COL5A2: variants seen among roughly 807,000 people sequenced by gnomAD.
COL5A2 encodes the protein collagen alpha-2(V) chain.
A neutral mutation model predicts 208.2 loss-of-function variants in COL5A2; 23 were observed. The ratio of observed to expected loss-of-function variants is 0.11; its 90% confidence interval spans 0.08 to 0.16. The LOEUF (loss-of-function observed/expected upper bound fraction) is 0.16, where lower values mean the gene tolerates loss of function less well. Among genes scored for constraint, COL5A2 ranks in the 10% least tolerant of loss-of-function variants. The pLI, the probability that COL5A2 is intolerant of heterozygous loss-of-function variation, is 1.00. For missense variants in COL5A2, 1,590 were observed against 1,956.4 expected (o/e 0.81, Z 3.53); for synonymous variants, 625 against 628.5 (o/e 0.99, Z 0.08).
chr2:189,157,995 A>T (rs1260857780), intron 1 of COL5A2, among the ~76,000 whole-genome samples: 1 of 151,950 alleles, frequency 6.6e-6, no homozygotes, highest in Non-Finnish European at 1.5e-5. Context: ...ACTGTGTCTT[A>T]TATACTGTGG....
intron 49 of COL5A2, 47 bp from the exon 50 acceptor site, chr2:189,041,740 T>C: frequency 8.2e-7 from 1 of 1,216,024 alleles, no homozygotes; most frequent in Non-Finnish European, 1.2e-6. Flanking sequence ...AGGAAAAATT[T>C]TACAATGCCT....
At chr2:189,191,422 C>T (rs1375753196) in intron 1 of COL5A2, among the ~76,000 whole-genome samples, 3 of 152,024 alleles carry the variant, frequency 2.0e-5, no homozygotes, top group Non-Finnish European at 4.4e-5. Context: ...GGGTAGATCA[C>T]CTGAGGTCAG....
intron 42 of COL5A2, among the ~76,000 whole-genome samples, 172 bp from the exon 43 acceptor site, chr2:189,050,848 C>T (rs1447012207): frequency 6.6e-6 from 1 of 152,074 alleles, no homozygotes; most frequent in African/African-American, 2.4e-5. Context: ...CGCACAGAAC[C>T]TCTAACATTA....
intron 47 of COL5A2, among the ~76,000 whole-genome samples, chr2:189,044,945 C>T (rs556620540): frequency 3.3e-5 from 5 of 151,996 alleles, no homozygotes; most frequent in Non-Finnish European, 7.4e-5. Context: ...ACTTTAAAAA[C>T]CTCCATGATT....
the COL5A2 span, among the ~76,000 whole-genome samples, chr2:189,264,690 T>C: frequency 1.3e-5 from 2 of 152,134 alleles, no homozygotes; most frequent in South Asian, 4.1e-4. Context: ...TATGAATCCT[T>C]GGACTCATAA....
At chr2:189,042,819 T>G (rs768514148) in intron 48 of COL5A2, 46 bp from the exon 49 acceptor site, 2 of 1,539,376 alleles carry the variant, frequency 1.3e-6, no homozygotes, top group Non-Finnish European at 8.9e-7. Context: ...ATTTGGATCC[T>G]GCATTGTGCC....
intron 1 of COL5A2, among the ~76,000 whole-genome samples, chr2:189,208,730 G>C (rs1689172836): frequency 1.3e-5 from 2 of 152,212 alleles, no homozygotes; most frequent in Admixed American, 1.3e-4. Flanking sequence ...CTGTGTTTTA[G>C]AAAGTATACT....
the COL5A2 span, among the ~76,000 whole-genome samples, chr2:189,323,925 T>G: frequency 6.6e-6 from 1 of 152,112 alleles, no homozygotes; most frequent in African/African-American, 2.4e-5. Context: ...CAAACTATAC[T>G]ACAAGGCTAC....
At chr2:189,364,438 G>A in the COL5A2 span, among the ~76,000 whole-genome samples, 1 of 152,186 alleles carries the variant, frequency 6.6e-6, no homozygotes, top group Non-Finnish European at 1.5e-5. Flanking sequence ...TCTAATCCCA[G>A]CACTTTGGGA....
chr2:189,349,092 T>C, the COL5A2 span, among the ~76,000 whole-genome samples: 2 of 152,180 alleles, frequency 1.3e-5, no homozygotes, highest in South Asian at 4.1e-4. Context: ...TCTCATATTT[T>C]GGATCACATC....
At chr2:189,406,285 T>C in the COL5A2 span, among the ~76,000 whole-genome samples, 1 of 152,196 alleles carries the variant, frequency 6.6e-6, no homozygotes, top group Non-Finnish European at 1.5e-5. Flanking sequence ...AATATATTTC[T>C]TCTACTATTT....
chr2:189,045,157 AAAAC>A lies in COL5A2; in HGVS notation c.3363+18_3363+21del. 1 of 1,579,166 alleles carries A rather than the reference AAAAC, an allele frequency of 6.3e-7. No homozygotes were observed. The highest frequency in any genetic ancestry group is 8.6e-7 in the Non-Finnish European group (1 of 1,160,498). On this transcript the variant is annotated intron_variant, in intron 47 of 53. Transcript: ENST00000374866. ...TTTTATATAAGAAAACATTTTTTAA[AAAAC>A]AAAAAAAGAGAACTTACAGGTAATC...
chr2:189,300,553 G>C, the COL5A2 span, among the ~76,000 whole-genome samples: 1 of 152,208 alleles, frequency 6.6e-6, no homozygotes, highest in African/African-American at 2.4e-5. Context: ...CTTGGAAGGG[G>C]AAAAACCCCA....
chr2:189,092,088 T>A (rs946883241), intron 7 of COL5A2, among the ~76,000 whole-genome samples: 2 of 152,172 alleles, frequency 1.3e-5, no homozygotes, highest in Non-Finnish European at 2.9e-5. Context: ...CATTGAGAAA[T>A]ACAAACAATT....
chr2:189,287,755 A>G, the COL5A2 span, among the ~76,000 whole-genome samples: 1 of 152,226 alleles, frequency 6.6e-6, no homozygotes, highest in Non-Finnish European at 1.5e-5. Context: ...GATAATCTAA[A>G]AATGTTATAT....
the COL5A2 span, among the ~76,000 whole-genome samples, chr2:189,372,457 C>T: frequency 3.3e-5 from 5 of 152,038 alleles, no homozygotes; most frequent in African/African-American, 7.2e-5. Flanking sequence ...ATATCAAGCT[C>T]ATTATGTTCA....
chr2:189,350,607 C>G, the COL5A2 span, among the ~76,000 whole-genome samples: 1 of 152,252 alleles, frequency 6.6e-6, no homozygotes, highest in African/African-American at 2.4e-5. Flanking sequence ...TGTTATTCCA[C>G]ATGGCTTTGT....
chr2:189,188,259 A>G (rs1688879962), intron 1 of COL5A2, among the ~76,000 whole-genome samples: 1 of 152,040 alleles, frequency 6.6e-6, no homozygotes, highest in African/African-American at 2.4e-5. Flanking sequence ...TCTTTCTTCC[A>G]TTCCCATCCC....
At position 189,199,267 on chromosome 2, in the gene COL5A2, G is replaced by T. The variant is rs768688790; in HGVS notation, c.-42+25881C>A. On this transcript the variant is annotated intron_variant, in intron 1 of 10. Coordinates refer to the COL5A2 transcript ENST00000649966. Reference sequence around the variant, plus strand: ...AAAGATTTGTATAACCTTTATCTAAGTAATAACTAAAAACTTAAATATAAA... The same window carrying T: ...AAAGATTTGTATAACCTTTATCTAATTAATAACTAAAAACTTAAATATAAA... Among the ~76,000 whole-genome samples the T allele has an allele frequency of 3.9e-5, 6 of 152,188 alleles. No homozygotes were observed. The East Asian group carries it at 1.2e-3, about 29-fold the overall frequency.
Sources: allele counts gnomAD v4.1 joint callset (sites outside exome capture counted in the v4.1 genomes callset), GRCh38; gene constraint gnomAD v4.1.1; transcripts MANE v1.5; gene names NCBI Gene and HGNC (gene_info 2026-07-23, HGNC 2026-07-21).